COL14A1: variants seen among roughly 807,000 people sequenced by gnomAD.
COL14A1 encodes collagen alpha-1(XIV) chain.
COL14A1 carries 136 observed loss-of-function variants against 230.3 expected under a neutral mutation model. The ratio of observed to expected loss-of-function variants is 0.59; its 90% CI spans 0.51 to 0.68. COL14A1 has a LOEUF of 0.68. COL14A1 is among the 30% of genes least tolerant of loss of function. The probability of loss-of-function intolerance (pLI) is 0.00; values close to 1 mark genes in which losing one functional copy is unlikely to be tolerated. For synonymous variants in COL14A1, 792 were observed against 784.1 expected, an observed-to-expected ratio of 1.01 and a Z score of -0.17; for missense variants, 1,976 against 2,215.8, an observed-to-expected ratio of 0.89 and a Z score of 2.17.
Position 120,224,575 on chromosome 8 carries a change from G to A in COL14A1, c.1738-513G>A, listed in dbSNP as rs570627643. Among the ~76,000 whole-genome samples the A allele has an allele frequency of 1.2e-4, 19 of 152,050 alleles. No individual in the cohort carries two copies. The South Asian group carries it at 3.7e-3, about 30-fold the overall frequency. On this transcript the variant is annotated intron_variant, in intron 14 of 47. Transcript: ENST00000297848. ...TTCCTTGGGATTTCATCTTTTATAT[G>A]CCCCAAAGAAGTTGGAAAATATTTT...
chr8:120,157,629 A>G (rs1296750206), intron 2 of COL14A1, among the ~76,000 whole-genome samples: 2 of 152,202 alleles, frequency 1.3e-5, no homozygotes, highest in African/African-American at 4.8e-5. Flanking sequence ...GGTAAGAAAC[A>G]AATGCCTTTA....
intron 5 of COL14A1, among the ~76,000 whole-genome samples, chr8:120,170,548 A>G (rs906613311): frequency 6.6e-6 from 1 of 152,068 alleles, no homozygotes; most frequent in Non-Finnish European, 1.5e-5. Flanking sequence ...GAGGTATTTT[A>G]TTACTTAAAT....
intron 5 of COL14A1, among the ~76,000 whole-genome samples, chr8:120,184,685 A>G (rs1816590165): frequency 6.6e-6 from 1 of 152,226 alleles, no homozygotes; most frequent in South Asian, 2.1e-4. Flanking sequence ...CCTGAGAGCC[A>G]GGAGAGCTGA....
At chr8:120,215,865 A>T (rs1291847532) in intron 13 of COL14A1, among the ~76,000 whole-genome samples, 1 of 152,180 alleles carries the variant, frequency 6.6e-6, no homozygotes, top group Non-Finnish European at 1.5e-5. Flanking sequence ...AGAGTCAGTG[A>T]TTCTGTTTGG....
chr8:120,183,074 A>G (rs1362527872), intron 5 of COL14A1, among the ~76,000 whole-genome samples: 1 of 152,138 alleles, frequency 6.6e-6, no homozygotes, highest in Non-Finnish European at 1.5e-5. Context: ...CATATTTTCA[A>G]AGGAATTAAA....
chr8:120,270,044 C>T lies in COL14A1; in HGVS notation c.3083C>T (p.Ala1028Val), dbSNP rs150163134. The T allele has an allele frequency of 6.9e-5, 111 of 1,610,828 alleles. No homozygotes were observed. The highest frequency in any genetic ancestry group is 1.7e-4 in the Middle Eastern group (1 of 6,042). The part of the protein sequence containing the change: ...TIPPAKEVCK[A>V]AKADLVFMVD... ...CATTGTTGGTCTTCAGTATGTAAGG[C>T]GGCCAAGGCTGACCTGGTATTTATG... The change falls in exon 26 of 48, where the codon GCG becomes GTG. Residue 1028 changes from alanine to valine, a missense_variant. Physicochemically the swap from Ala to Val is moderately conservative, Grantham distance 64. Coordinates refer to ENST00000297848, the MANE Select transcript of COL14A1 (RefSeq NM_021110.4).
In COL14A1 at chr8:120,310,052, C is replaced by G. The variant is rs375177852; in HGVS notation, c.4445C>G (p.Pro1482Arg). The change falls in exon 37 of 48, where the codon CCG becomes CGG. Residue 1482 changes from proline (P) to arginine (R), a missense_variant. Coordinates refer to ENST00000297848, the MANE Select transcript of COL14A1 (RefSeq NM_021110.4). ...LRGPKGQQGE[P>R]GPKGPDGPRG... ...GGACCAAAGGGCCAGCAAGGTGAAC[C>G]GGGTCCAAAGGTAATGCGCATGTTT... 1 of 1,612,968 alleles carries G rather than the reference C, an allele frequency of 6.2e-7. No individual in the cohort carries two copies.
At chr8:120,206,720 G>A (rs1414197680) in intron 9 of COL14A1, among the ~76,000 whole-genome samples, 4 of 152,172 alleles carry the variant, frequency 2.6e-5, no homozygotes, top group Non-Finnish European at 5.9e-5. Flanking sequence ...CAAGAACTAT[G>A]TCTTATTTAA....
intron 26 of COL14A1, among the ~76,000 whole-genome samples, chr8:120,273,063 T>C (rs1819722665): frequency 6.6e-6 from 1 of 151,694 alleles, no homozygotes. Flanking sequence ...TCTCAATAAA[T>C]TTTTAAAAAT....
At chr8:120,323,534 GTTTTTATAGTTTT>G (rs1431708890) in intron 40 of COL14A1, among the ~76,000 whole-genome samples, 8 of 152,018 alleles carry the variant, frequency 5.3e-5, no homozygotes, top group Non-Finnish European at 1.2e-4. Context: ...GTCTTCCAGG[GTTTTTATAGTTTT>G]GGGTTTTATA....
chr8:120,202,764 G>A (rs10955960), intron 8 of COL14A1, among the ~76,000 whole-genome samples: 27,102 of 151,554 alleles, frequency 0.18, 3,295 homozygotes, highest in East Asian at 0.46. Context: ...TTAAGGGTTC[G>A]TGTTCACTGC....
intron 8 of COL14A1, among the ~76,000 whole-genome samples, chr8:120,203,063 T>C (rs11991279): frequency 1.2e-4 from 18 of 146,802 alleles, no homozygotes; most frequent in Non-Finnish European, 1.8e-4. Flanking sequence ...ATTTATTTTA[T>C]AGAAACTTAA....
intron 11 of COL14A1, 138 bp downstream of exon 11, chr8:120,208,499 G>A (rs1426187188): frequency 2.3e-5 from 22 of 936,560 alleles, no homozygotes; most frequent in Middle Eastern, 2.9e-4. Context: ...GACATTTGTC[G>A]TGCTATATGT....
rs750145670 is a variant in COL14A1 at position 120,135,677 on chromosome 8, T to C, written c.-38+10337T>C. Among the ~76,000 whole-genome samples, 84 of 152,182 alleles carry C rather than the reference T, an allele frequency of 5.5e-4. 1 individual carries two copies. Among genetic ancestry groups the C allele is most frequent in the Non-Finnish European group, 2.5e-4 (17 of 68,036 alleles). ...TTTTTGAGATTTTGATTAAAATTGC[T>C]TTGAATCTATAGATTATCTTAAAGA... On this transcript the variant is annotated intron_variant, in intron 1 of 47. Coordinates refer to ENST00000297848, the MANE Select transcript of COL14A1 (RefSeq NM_021110.4).
At chr8:120,140,530 A>C (rs2130428842) in intron 1 of COL14A1, among the ~76,000 whole-genome samples, 1 of 152,208 alleles carries the variant, frequency 6.6e-6, no homozygotes, top group East Asian at 1.9e-4. Flanking sequence ...ATGGTATACC[A>C]AATAACTAAC....
chr8:120,328,594 A>C (rs1486328326), intron 40 of COL14A1, among the ~76,000 whole-genome samples: 2 of 152,110 alleles, frequency 1.3e-5, no homozygotes, highest in Non-Finnish European at 2.9e-5. Context: ...TTAAGCTCAT[A>C]TGTAGGAGCA....
chr8:120,254,693 A>G (rs933757789), intron 22 of COL14A1, among the ~76,000 whole-genome samples: 2 of 151,938 alleles, frequency 1.3e-5, no homozygotes, highest in African/African-American at 4.8e-5. Flanking sequence ...TCTATTTAAA[A>G]TGCATACAGG....
At chr8:120,155,676 C>T (rs966141717) in intron 2 of COL14A1, among the ~76,000 whole-genome samples, 2 of 152,250 alleles carry the variant, frequency 1.3e-5, no homozygotes, top group East Asian at 3.9e-4. Flanking sequence ...CATGCAAAAA[C>T]TTGGGCGATG....
chr8:120,247,776 T>A, intron 21 of COL14A1, 41 bp downstream of exon 21: 1 of 1,599,580 alleles, frequency 6.3e-7, no homozygotes, highest in Non-Finnish European at 8.5e-7. Context: ...CCATGAGTAG[T>A]CACTTAAAAT....
Sources: allele counts gnomAD v4.1 joint callset (sites outside exome capture counted in the v4.1 genomes callset), GRCh38; gene constraint gnomAD v4.1.1; transcripts MANE v1.5; gene names NCBI Gene and HGNC (gene_info 2026-07-23, HGNC 2026-07-21).